The following MCHR2 variants were observed in gnomAD, a reference collection of about 807,000 sequenced individuals.
The protein encoded by MCHR2 is melanin concentrating hormone receptor 2.
In MCHR2, 15 loss-of-function variants were observed where a neutral mutation model predicts 24.8. The observed-to-expected ratio is 0.60, with a 90% CI of 0.40 to 0.93. The LOEUF is 0.93. Ranked by LOEUF, MCHR2 falls within the 40% of genes least tolerant of loss-of-function variation. The probability of loss-of-function intolerance (pLI) is 0.00; values close to 1 mark genes in which losing one functional copy is unlikely to be tolerated. For missense variants in MCHR2, 386 were observed against 408.7 expected (o/e 0.94, Z 0.48); for synonymous variants, 151 against 147.6 (o/e 1.02, Z -0.17).
At chr6:99,965,255 C>G (rs1050988669) in intron 1 of MCHR2, among the ~76,000 whole-genome samples, 1 of 152,156 alleles carries the variant, frequency 6.6e-6, no homozygotes, top group Non-Finnish European at 1.5e-5. Flanking sequence ...TTATCTTAGT[C>G]TTAATTTTCT....
At chr6:99,965,855 A>ATC (rs1385640350) in intron 1 of MCHR2, among the ~76,000 whole-genome samples, 1 of 152,200 alleles carries the variant, frequency 6.6e-6, no homozygotes, top group Non-Finnish European at 1.5e-5. Flanking sequence ...GAATTTCAAT[A>ATC]TCTCTTCTCC....
chr6:99,991,822 A>AG (rs1456990014), intron 1 of MCHR2, among the ~76,000 whole-genome samples: 1 of 151,170 alleles, frequency 6.6e-6, no homozygotes, highest in African/African-American at 2.4e-5. Flanking sequence ...AAAAAAAAAA[A>AG]AAAAGAAAAG....
intron 1 of MCHR2, among the ~76,000 whole-genome samples, chr6:99,969,350 T>C (rs1291078586): frequency 6.6e-6 from 1 of 151,270 alleles, no homozygotes; most frequent in Admixed American, 6.6e-5. Flanking sequence ...GGCAGGTGTC[T>C]GTAATCCCAG....
chr6:99,955,017 CGCAA>C (rs1165936332), intron 2 of MCHR2, among the ~76,000 whole-genome samples: 1 of 152,052 alleles, frequency 6.6e-6, no homozygotes, highest in Non-Finnish European at 1.5e-5. Context: ...CACTTCTGGT[CGCAA>C]GCATTTTGGA....
intron 1 of MCHR2, among the ~76,000 whole-genome samples, chr6:99,987,210 C>T (rs1219303048): frequency 6.6e-6 from 1 of 152,052 alleles, no homozygotes; most frequent in Non-Finnish European, 1.5e-5. Flanking sequence ...AAGCGATTCT[C>T]CTGCCTCAAC....
In MCHR2 at chr6:99,918,745, C is replaced by T. The variant is rs1774166470; in HGVS notation, c.*2195G>A. Among the ~76,000 whole-genome samples, 1 of 152,074 alleles carries T rather than the reference C, an allele frequency of 6.6e-6. No individual in the cohort carries two copies. ...CTCTGTAAATCTGCATATAAATATG[C>T]TTATGCATAGAAACGCTATATAAAG... On this transcript the variant is annotated 3_prime_UTR_variant, in exon 6 of 6. Coordinates refer to ENST00000281806, the MANE Select transcript of MCHR2 (RefSeq NM_001040179.2).
chr6:99,959,585 C>G (rs941636066), intron 1 of MCHR2, among the ~76,000 whole-genome samples: 1 of 148,260 alleles, frequency 6.7e-6, no homozygotes, highest in African/African-American at 2.5e-5. Context: ...AAATAACCAC[C>G]ATAAAGGTGA....
intron 1 of MCHR2, among the ~76,000 whole-genome samples, chr6:99,969,239 G>A (rs921148689): frequency 7.2e-5 from 11 of 152,052 alleles, no homozygotes; most frequent in Admixed American, 3.9e-4. Context: ...ACTTTGGGAG[G>A]CTGAGGCGGG....
chr6:99,959,301 A>G (rs1294776980), intron 1 of MCHR2, among the ~76,000 whole-genome samples: 1 of 152,052 alleles, frequency 6.6e-6, no homozygotes, highest in Non-Finnish European at 1.5e-5. Flanking sequence ...AGGAACCTAG[A>G]CACACATGTC....
At chr6:99,947,718 G>C (rs1471146880) in intron 3 of MCHR2, 44 bp downstream of exon 3, 2 of 1,574,748 alleles carry the variant, frequency 1.3e-6, no homozygotes, top group African/African-American at 2.7e-5. Context: ...GGAAGCACAG[G>C]CACCTCTGAA....
chr6:99,954,602 T>G (rs1775025046), intron 2 of MCHR2, among the ~76,000 whole-genome samples: 1 of 152,178 alleles, frequency 6.6e-6, no homozygotes, highest in African/African-American at 2.4e-5. Context: ...GTGATGTTAC[T>G]GGGCTGCTTA....
At chr6:99,986,130 C>A (rs2114595554) in intron 1 of MCHR2, among the ~76,000 whole-genome samples, 1 of 152,126 alleles carries the variant, frequency 6.6e-6, no homozygotes, top group East Asian at 1.9e-4. Flanking sequence ...TGAGATACCA[C>A]TTATACCAGC....
At chr6:99,936,048 G>C (rs561188758) in intron 4 of MCHR2, among the ~76,000 whole-genome samples, 75 of 151,692 alleles carry the variant, frequency 4.9e-4, no homozygotes, top group African/African-American at 1.6e-3. Context: ...TGGATTATTT[G>C]GGTTTTTTTG....
At chr6:99,952,688 T>C (rs1774987040) in intron 2 of MCHR2, among the ~76,000 whole-genome samples, 1 of 152,150 alleles carries the variant, frequency 6.6e-6, no homozygotes, top group African/African-American at 2.4e-5. Context: ...GCAAAAAAGT[T>C]GATAAATTCC....
chr6:99,925,835 T>A (rs1349247420), intron 5 of MCHR2, among the ~76,000 whole-genome samples: 25 of 151,348 alleles, frequency 1.7e-4, no homozygotes, highest in Admixed American at 1.6e-3. Flanking sequence ...TTTTATTTTT[T>A]ATTTTATTAT....
chr6:99,973,767 A>G (rs1775487329), intron 1 of MCHR2, among the ~76,000 whole-genome samples: 1 of 151,720 alleles, frequency 6.6e-6, no homozygotes, highest in Non-Finnish European at 1.5e-5. Context: ...TGGTGACAAA[A>G]TCTCTCAGCA....
intron 5 of MCHR2, among the ~76,000 whole-genome samples, chr6:99,933,540 T>TG (rs1774588339): frequency 6.6e-6 from 1 of 151,968 alleles, no homozygotes; most frequent in South Asian, 2.1e-4. Context: ...AGAAACTAAG[T>TG]GGGAAAAAAA....
intron 1 of MCHR2, among the ~76,000 whole-genome samples, chr6:99,992,766 G>T (rs1258712431): frequency 1.3e-5 from 2 of 152,104 alleles, no homozygotes; most frequent in East Asian, 3.9e-4. Flanking sequence ...TAATTATCTT[G>T]TCATAGCCAT....
chr6:99,920,729 C>T lies in MCHR2; in HGVS notation c.*211G>A. 1.8e-6 allele frequency: 1 copy of T among 550,376 alleles called. No individual in the cohort carries two copies. Among genetic ancestry groups the T allele is most frequent in the Non-Finnish European group, 3.2e-6 (1 of 308,840 alleles). The allele number at this position is 550,376 out of a possible 1,614,324, so 34.1% of individuals were successfully genotyped here. A position where few individuals can be genotyped will look rare whatever the true frequency, so the allele number is the denominator to read the frequency against. ...CTGGGTATCTCAGACTATCCCATTC[C>T]CTACCCACAATATAGATCAACATTT... On this transcript the variant is annotated 3_prime_UTR_variant, in exon 6 of 6. Transcript: ENST00000281806.
Sources: gnomAD v4.1 joint callset for allele counts (sites outside exome capture counted in the v4.1 genomes callset) on GRCh38, gnomAD v4.1.1 for gene constraint, MANE v1.5 for transcripts, NCBI Gene and HGNC (gene_info 2026-07-23, HGNC 2026-07-21) for gene names.